The following GPC3 variants were observed in gnomAD, a reference collection of about 807,000 sequenced individuals.
The protein encoded by GPC3 is glypican 3.
In GPC3, 3 loss-of-function variants were observed where a neutral mutation model predicts 34.4. That is an observed-to-expected ratio of 0.09 (90% CI 0.04 to 0.23). The LOEUF (loss-of-function observed/expected upper bound fraction) is 0.23. GPC3 is among the 10% of genes least tolerant of loss of function. The probability of loss-of-function intolerance (pLI) is 1.00; values close to 1 mark genes in which losing one functional copy is unlikely to be tolerated. For synonymous variants in GPC3, 177 were observed against 174.0 expected, an observed-to-expected ratio of 1.02 and a Z score of -0.13; for missense variants, 351 against 445.6, an observed-to-expected ratio of 0.79 and a Z score of 1.91.
intron 7 of GPC3, among the ~76,000 whole-genome samples, chrX:133,554,039 G>T (rs1222504188): frequency 5.6e-5 from 6 of 107,062 alleles, no homozygotes; most frequent in African/African-American, 2.1e-4. Context: ...TTTTGAGATG[G>T]AGTCTTACTG....
At chrX:133,547,951 A>T (rs1327943162) in intron 7 of GPC3, among the ~76,000 whole-genome samples, 2 of 110,251 alleles carry the variant, frequency 1.8e-5, no homozygotes, top group Non-Finnish European at 3.8e-5. Flanking sequence ...GTGAGCCACC[A>T]CTCCCAGGCA....
At chrX:133,782,816 G>A (rs1286599587) in intron 2 of GPC3, among the ~76,000 whole-genome samples, 1 of 111,742 alleles carries the variant, frequency 8.9e-6, no homozygotes, top group African/African-American at 3.3e-5. Flanking sequence ...TCATATAAAT[G>A]TCTGTGCCTA....
At chrX:133,898,508 T>C (rs2076129344) in intron 2 of GPC3, among the ~76,000 whole-genome samples, 1 of 111,976 alleles carries the variant, frequency 8.9e-6, no homozygotes, top group Admixed American at 9.5e-5. Flanking sequence ...GGGTGGCAAA[T>C]TGTAAACCGA....
intron 2 of GPC3, among the ~76,000 whole-genome samples, chrX:133,826,132 G>T (rs929549658): frequency 1.8e-5 from 2 of 111,524 alleles, no homozygotes; most frequent in Admixed American, 1.9e-4. Context: ...CAAAAGACAC[G>T]CAAAGAAACA....
At chrX:133,621,510 C>T (rs776613172) in intron 6 of GPC3, among the ~76,000 whole-genome samples, 79 of 112,304 alleles carry the variant, frequency 7.0e-4, no homozygotes, top group Non-Finnish European at 1.1e-3. Context: ...TTATATCCCG[C>T]GCCTGGCTTG....
chrX:133,864,089 A>G (rs1035836928), intron 2 of GPC3, among the ~76,000 whole-genome samples: 6 of 111,946 alleles, frequency 5.4e-5, no homozygotes, highest in African/African-American at 3.3e-5. Context: ...CAAGTAACAG[A>G]TTCAAAACCT....
intron 3 of GPC3, among the ~76,000 whole-genome samples, chrX:133,701,291 T>A (rs1306305995): frequency 8.9e-6 from 1 of 111,897 alleles, no homozygotes; most frequent in Non-Finnish European, 1.9e-5. Flanking sequence ...TGCCAGACAC[T>A]ATGCCAACTA....
intron 3 of GPC3, among the ~76,000 whole-genome samples, chrX:133,730,825 G>A (rs1034204867): frequency 6.3e-5 from 7 of 111,507 alleles, no homozygotes; most frequent in Non-Finnish European, 1.1e-4. Context: ...ATGGCAGAAA[G>A]AATACTGGTG....
intron 3 of GPC3, among the ~76,000 whole-genome samples, chrX:133,722,310 T>C (rs1468679743): frequency 1.8e-5 from 2 of 111,539 alleles, no homozygotes; most frequent in Non-Finnish European, 3.8e-5. Context: ...CAGGATTGAC[T>C]ATCATGGAAC....
intron 2 of GPC3, chrX:133,763,466 A>G: frequency 3.7e-6 from 2 of 542,090 alleles, no homozygotes; most frequent in South Asian, 4.6e-5. Flanking sequence ...GCTGTGATGA[A>G]GGAGGAATTT....
chrX:133,627,993 T>A (rs2070324600), intron 6 of GPC3, among the ~76,000 whole-genome samples: 1 of 112,581 alleles, frequency 8.9e-6, no homozygotes, highest in South Asian at 3.7e-4. Flanking sequence ...TAGATGAGGA[T>A]CCTGGAGTCT....
chrX:133,674,127 T>G (rs761874704), intron 5 of GPC3, among the ~76,000 whole-genome samples: 1 of 110,513 alleles, frequency 9.0e-6, no homozygotes, highest in African/African-American at 3.3e-5. Flanking sequence ...CTTGGGAGGT[T>G]GAGGCAAGAG....
At chrX:133,703,492 A>G (rs1328550255) in intron 3 of GPC3, among the ~76,000 whole-genome samples, 1 of 101,501 alleles carries the variant, frequency 9.9e-6, no homozygotes, top group Non-Finnish European at 2.0e-5. Context: ...ACAGAGTCTC[A>G]CTCAGTCACC....
chrX:133,636,484 T>C (rs1281630613), intron 6 of GPC3, among the ~76,000 whole-genome samples: 1 of 112,000 alleles, frequency 8.9e-6, no homozygotes, highest in Non-Finnish European at 1.9e-5. Context: ...CTGGCCAACA[T>C]GGCGAAACCC....
intron 3 of GPC3, among the ~76,000 whole-genome samples, chrX:133,725,131 T>G (rs7056347): frequency 0.053 from 5,954 of 111,319 alleles, 425 homozygotes; most frequent in African/African-American, 0.18. Context: ...ATTGTTAATA[T>G]AAATAATCTC....
chrX:133,921,665 A>T (rs1333568788), intron 2 of GPC3, among the ~76,000 whole-genome samples: 1 of 112,314 alleles, frequency 8.9e-6, no homozygotes, highest in African/African-American at 3.2e-5. Flanking sequence ...GAATCAGTCC[A>T]ATTCTAGCTT....
At chrX:133,587,989 G>A (rs1340935059) in intron 7 of GPC3, among the ~76,000 whole-genome samples, 1 of 111,540 alleles carries the variant, frequency 9.0e-6, no homozygotes, top group Non-Finnish European at 1.9e-5. Flanking sequence ...AACAGTCTAA[G>A]GGTAAGAAGG....
At chrX:133,941,249 G>T (rs2076344062) in intron 2 of GPC3, among the ~76,000 whole-genome samples, 1 of 112,422 alleles carries the variant, frequency 8.9e-6, no homozygotes, top group African/African-American at 3.2e-5. Flanking sequence ...TTCCCCAACT[G>T]GGAAGGATGT....
intron 7 of GPC3, among the ~76,000 whole-genome samples, chrX:133,567,358 G>A (rs754663278): frequency 6.2e-5 from 7 of 112,344 alleles, no homozygotes; most frequent in African/African-American, 2.3e-4. Context: ...TGTCCCACAC[G>A]TTTTAAAATT....
Sources: allele counts gnomAD v4.1 joint callset (sites outside exome capture counted in the v4.1 genomes callset), GRCh38; gene constraint gnomAD v4.1.1; transcripts MANE v1.5; gene names NCBI Gene and HGNC (gene_info 2026-07-23, HGNC 2026-07-21).